Variants in TRIM67 observed in about 807,000 individuals in gnomAD.
TRIM67 encodes tripartite motif containing 67.
TRIM67 carries 39 observed loss-of-function variants against 71.0 expected under a neutral mutation model. That is an observed-to-expected ratio of 0.55 (90% confidence interval 0.43 to 0.72). The LOEUF is 0.72. Among genes scored for constraint, TRIM67 ranks in the 30% least tolerant of loss-of-function variants. The pLI is 0.00. For missense variants in TRIM67, 973 were observed against 1,079.2 expected, an observed-to-expected ratio of 0.90 and a Z score of 1.38; for synonymous variants, 481 against 473.9, an observed-to-expected ratio of 1.01 and a Z score of -0.19.
chr1:231,195,665 T>A (rs1683349498), intron 1 of TRIM67, among the ~76,000 whole-genome samples: 1 of 152,238 alleles, frequency 6.6e-6, no homozygotes, highest in South Asian at 2.1e-4. Flanking sequence ...GCCCCCTTCC[T>A]TGTATTTCCA....
chr1:231,215,440 GC>G lies in TRIM67; in HGVS notation c.*4del. 1 of 1,608,082 alleles carries G rather than the reference GC, an allele frequency of 6.2e-7. No individual in the cohort carries two copies. Among genetic ancestry groups the G allele is most frequent in the Non-Finnish European group, 8.5e-7 (1 of 1,176,670 alleles). On this transcript the variant is annotated 3_prime_UTR_variant, in exon 10 of 10. Coordinates refer to ENST00000366653, the MANE Select transcript of TRIM67 (RefSeq NM_001004342.5). The stretch of plus-strand genomic sequence containing the variant: ...GGCGGCCAAAGCTGTCAGGCAATTA[GC>G]CCCGCTCCAGCTCGGCACTGTGCCT...
chr1:231,206,771 C>G lies in TRIM67; in HGVS notation c.1800C>G (p.Val600=). The change falls in exon 7 of 10, where the codon GTC becomes GTG. Residue 600 remains valine (V), a synonymous_variant. Coordinates refer to ENST00000366653, the MANE Select transcript of TRIM67 (RefSeq NM_001004342.5). ...GTGTCGGGCCTTACAGTAAAACTGT[C>G]GTCCTGCAGACATCCGATGGTGAGC... The part of the protein sequence containing the change: ...SSGVGPYSKT[V]VLQTSDVAWF... 6.2e-7 allele frequency: 1 copy of G among 1,604,182 alleles called. No homozygotes were observed. The highest frequency in any genetic ancestry group is 8.5e-7 in the Non-Finnish European group (1 of 1,175,900).
chr1:231,170,056 G>A (rs913831753), intron 1 of TRIM67, among the ~76,000 whole-genome samples: 2 of 148,028 alleles, frequency 1.4e-5, no homozygotes, highest in African/African-American at 5.2e-5. Flanking sequence ...GTGCAATCTC[G>A]GCTCACTGCA....
At chr1:231,178,978 G>C (rs1391522868) in intron 1 of TRIM67, among the ~76,000 whole-genome samples, 1 of 152,220 alleles carries the variant, frequency 6.6e-6, no homozygotes, top group East Asian at 1.9e-4. Context: ...AAGAGTATAT[G>C]CAATATGATT....
At chr1:231,185,879 G>A (rs1375537053) in intron 1 of TRIM67, among the ~76,000 whole-genome samples, 1 of 151,840 alleles carries the variant, frequency 6.6e-6, no homozygotes, top group Admixed American at 6.6e-5. Context: ...AGACTTCGTG[G>A]AAAAGGAGGA....
intron 7 of TRIM67, among the ~76,000 whole-genome samples, 198 bp downstream of exon 7, chr1:231,206,988 C>T (rs1378975627): frequency 2.6e-5 from 4 of 152,112 alleles, no homozygotes; most frequent in Non-Finnish European, 2.9e-5. Context: ...TAGGGCCAAC[C>T]CACATTTCAT....
At position 231,209,998 on chromosome 1, in the gene TRIM67, GC is replaced by G. The variant is rs377202797; in HGVS notation, c.2123+755del. Among the ~76,000 whole-genome samples the G allele has an allele frequency of 1.2e-3, 181 of 152,154 alleles. 1 individual carries two copies. Among genetic ancestry groups the G allele is most frequent in the African/African-American group, 4.3e-3 (178 of 41,504 alleles). On this transcript the variant is annotated intron_variant, in intron 8 of 9. Coordinates refer to ENST00000366653, the MANE Select transcript of TRIM67 (RefSeq NM_001004342.5). The surrounding 1 kb of genome is among the most constrained non-coding windows in gnomAD (Gnocchi z 4.1). ...TCTCCTCAGACACAAAGAAGGCAGT[GC>G]CCCCCCAACACCCCTGCACCATAGC...
chr1:231,195,027 C>T (rs1683331411), intron 1 of TRIM67, among the ~76,000 whole-genome samples: 1 of 152,164 alleles, frequency 6.6e-6, no homozygotes, highest in African/African-American at 2.4e-5. Context: ...CCCCACCTGG[C>T]TTCACTGTCC....
intron 1 of TRIM67, among the ~76,000 whole-genome samples, chr1:231,192,114 C>T (rs1683244822): frequency 6.6e-6 from 1 of 152,078 alleles, no homozygotes; most frequent in Admixed American, 6.5e-5. Context: ...TTTGAGGCTA[C>T]AGTGAGCTAT....
chr1:231,219,512 T>C lies in TRIM67; in HGVS notation c.*4072T>C. On this transcript the variant is annotated 3_prime_UTR_variant, in exon 10 of 10. Transcript: ENST00000366653. ...TTTCCATGTGTCTTCAGGGGGCAGG[T>C]AGGGGAAAATGGGGTGAGCCACCTC... 2.8e-6 allele frequency: 3 copies of C among 1,071,648 alleles called. No individual in the cohort carries two copies. The highest frequency in any genetic ancestry group is 2.8e-5 in the South Asian group (1 of 36,224). The allele number at this position is 1,071,648 out of a possible 1,614,324, so 66.4% of individuals were successfully genotyped here. A position where few individuals can be genotyped will look rare whatever the true frequency, so the allele number is the denominator to read the frequency against.
In TRIM67 at chr1:231,216,137, TCTCC is replaced by T; in HGVS notation, c.*706_*709del. 2 of 980,770 alleles carry T rather than the reference TCTCC, an allele frequency of 2.0e-6. No individual in the cohort carries two copies. Among genetic ancestry groups the T allele is most frequent in the Non-Finnish European group, 2.4e-6 (2 of 825,810 alleles). The allele number at this position is 980,770 out of a possible 1,614,324, so 60.8% of individuals were successfully genotyped here. ...CTCTCTTCCTCCATCCTTCATTTCTTCTCCCTCCCTCCTTCTCTTTCTCTCTTCT... is the reference window on the plus strand; with the variant it reads ...CTCTCTTCCTCCATCCTTCATTTCTTCTCCCTCCTTCTCTTTCTCTCTTCT... On this transcript the variant is annotated 3_prime_UTR_variant, in exon 10 of 10. Coordinates refer to ENST00000366653, the MANE Select transcript of TRIM67 (RefSeq NM_001004342.5).
At chr1:231,204,161 C>G (rs767541647) in intron 6 of TRIM67, 149 bp downstream of exon 6, 1 of 1,238,088 alleles carries the variant, frequency 8.1e-7, no homozygotes, top group Non-Finnish European at 1.1e-6. Context: ...AGAAGGCTGG[C>G]GGAGATGGGG....
intron 7 of TRIM67, among the ~76,000 whole-genome samples, 181 bp from the exon 8 acceptor site, chr1:231,208,766 G>T (rs1332288238): frequency 6.6e-6 from 1 of 152,214 alleles, no homozygotes; most frequent in African/African-American, 2.4e-5. Context: ...AGCAGGGAGT[G>T]TGTGCATGTG....
rs544787369 is a variant in TRIM67, at chr1:231,209,589, C to A, written c.2123+339C>A. 1.5e-4 allele frequency among the ~76,000 whole-genome samples: 23 copies of A among 152,196 alleles called. No individual in the cohort carries two copies. Among genetic ancestry groups the A allele is most frequent in the Admixed American group, 5.9e-4 (9 of 15,286 alleles). ...TTTCCTTTTCAACTGTCAACCCAAGCTTGGGTTGCTGCAGGGTGTTAATGG... is the reference window on the plus strand; with the variant it reads ...TTTCCTTTTCAACTGTCAACCCAAGATTGGGTTGCTGCAGGGTGTTAATGG... On this transcript the variant is annotated intron_variant, in intron 8 of 9. Transcript: ENST00000366653. The surrounding 1 kb of genome is among the most constrained non-coding windows in gnomAD (Gnocchi z 4.1).
At chr1:231,167,206 C>G (rs1019179660) in intron 1 of TRIM67, among the ~76,000 whole-genome samples, 1 of 151,846 alleles carries the variant, frequency 6.6e-6, no homozygotes, top group African/African-American at 2.4e-5. Flanking sequence ...AAAAGAAAAT[C>G]TCACTGATAC....
chr1:231,213,761 A>T (rs1331870791), intron 8 of TRIM67, 54 bp from the exon 9 acceptor site: 1 of 1,511,982 alleles, frequency 6.6e-7, no homozygotes, highest in Non-Finnish European at 8.9e-7. Flanking sequence ...CTGAGTTATC[A>T]CCTACATCCC....
intron 1 of TRIM67, among the ~76,000 whole-genome samples, chr1:231,188,898 G>A (rs921469419): frequency 2.6e-5 from 4 of 152,172 alleles, no homozygotes; most frequent in Admixed American, 6.5e-5. Context: ...ACTGGGTTCG[G>A]GCAGTCAGAC....
chr1:231,206,029 A>G (rs1683686240), intron 6 of TRIM67, among the ~76,000 whole-genome samples: 1 of 152,228 alleles, frequency 6.6e-6, no homozygotes, highest in African/African-American at 2.4e-5. Context: ...GGGGCCGGGC[A>G]GCCAGTAGTA....
intron 1 of TRIM67, chr1:231,187,695 G>T: frequency 1.1e-6 from 1 of 878,364 alleles, no homozygotes; most frequent in Non-Finnish European, 1.7e-6. Flanking sequence ...CGGAGTGGGA[G>T]AGGCGGGGTG....
Sources: gnomAD v4.1 joint callset for allele counts (sites outside exome capture counted in the v4.1 genomes callset) on GRCh38, gnomAD v4.1.1 for gene constraint, Gnocchi (gnomAD v3.1) non-coding constraint, MANE v1.5 for transcripts, NCBI Gene and HGNC (gene_info 2026-07-23, HGNC 2026-07-21) for gene names.